PXDN: variants seen among roughly 807,000 people sequenced by gnomAD.
PXDN encodes peroxidasin.
A neutral mutation model predicts 140.3 loss-of-function variants in PXDN; 77 were observed. The ratio of observed to expected loss-of-function variants is 0.55; its 90% CI spans 0.46 to 0.66. The LOEUF is 0.66. Among genes scored for constraint, PXDN ranks in the 30% least tolerant of loss-of-function variants. PXDN has a pLI of 0.00. For missense variants in PXDN, 1,838 were observed against 2,039.5 expected, an observed-to-expected ratio of 0.90 and a Z score of 1.90; for synonymous variants, 911 against 857.4, an observed-to-expected ratio of 1.06 and a Z score of -1.09.
intron 1 of PXDN, among the ~76,000 whole-genome samples, chr2:1,696,272 C>T (rs1684299515): frequency 6.6e-6 from 1 of 152,202 alleles, no homozygotes; most frequent in Admixed American, 6.5e-5. Context: ...GTTCTCATCA[C>T]ATTTCTGTGG....
chr2:1,716,363 G>A lies in PXDN; in HGVS notation c.201-23229C>T, dbSNP rs376947947. Among the ~76,000 whole-genome samples the A allele has an allele frequency of 7.3e-4, 109 of 149,140 alleles. 3 individuals are homozygous for A. The South Asian group carries it at 0.022, about 30-fold the overall frequency. On this transcript the variant is annotated intron_variant, in intron 1 of 22. Transcript: ENST00000252804. ...TGAGGCAGAAGAATCACTTGAACCC[G>A]GGAGGTGGAGGTTGCGGTGAGCCGA...
chr2:1,732,033 C>T (rs1685324226), intron 1 of PXDN, among the ~76,000 whole-genome samples: 1 of 152,092 alleles, frequency 6.6e-6, no homozygotes, highest in Non-Finnish European at 1.5e-5. Flanking sequence ...TGCTTTAGAA[C>T]AAGATGGGAT....
In PXDN at chr2:1,648,533, G is replaced by C; in HGVS notation, c.3247C>G (p.Arg1083Gly). Residue 1083 changes from arginine to glycine, a missense_variant, in exon 17 of 23, where the codon CGG (arginine) becomes GGG (glycine). By Grantham distance (125) the Arg-to-Gly change is moderately radical (BLOSUM62 -2). Around this residue, in one of 5 missense-constraint regions of PXDN, gnomAD observed 850 missense variants for 894.1 expected, o/e 0.95. Coordinates refer to ENST00000252804, the MANE Select transcript of PXDN (RefSeq NM_012293.3). The surrounding 1 kb of genome is among the most constrained non-coding windows in gnomAD (Gnocchi z 8.9). Reference sequence around the variant, plus strand: ...ATGGGCTGGAAGTTCTCGTCCAGCCGGTAAAGCAGTGGGTTGACAAGCGTG... The same window carrying C: ...ATGGGCTGGAAGTTCTCGTCCAGCCCGTAAAGCAGTGGGTTGACAAGCGTG... ...GHTLVNPLLYRLDENFQPIAQ... is the reference protein window; with the variant it reads ...GHTLVNPLLYGLDENFQPIAQ... 1 of 1,613,488 alleles carries C rather than the reference G, an allele frequency of 6.2e-7. No individual in the cohort carries two copies. The highest frequency in any genetic ancestry group is 8.5e-7 in the Non-Finnish European group (1 of 1,179,880).
chr2:1,725,749 C>T (rs1275856839), intron 1 of PXDN, among the ~76,000 whole-genome samples: 4 of 152,116 alleles, frequency 2.6e-5, no homozygotes, highest in Non-Finnish European at 2.9e-5. Flanking sequence ...CAAACAACCC[C>T]ATCAAAAAGT....
rs1178492680 is a variant in PXDN, at chr2:1,711,391, G to A, written c.201-18257C>T. Among the ~76,000 whole-genome samples the A allele has an allele frequency of 6.1e-5, 5 of 81,328 alleles. 1 individual carries two copies. The East Asian group carries it at 1.9e-3, about 30-fold the overall frequency. 53.4% of individuals were successfully genotyped at this position (81,328 alleles called of 152,430 possible). ...ACCAGCATCCACTCTACCAGCACCC[G>A]CTCCACAAGCACCCACTCTCCACCA... On this transcript the variant is annotated intron_variant, in intron 1 of 22. Coordinates refer to ENST00000252804, the MANE Select transcript of PXDN (RefSeq NM_012293.3).
At chr2:1,664,773 A>G (rs1362792735) in intron 11 of PXDN, 185 bp downstream of exon 11, 4 of 577,538 alleles carry the variant, frequency 6.9e-6, no homozygotes, top group Admixed American at 3.0e-5. Context: ...ACGGCCATGC[A>G]TGGACAGGAA....
intron 7 of PXDN, 68 bp from the exon 8 acceptor site, chr2:1,677,112 C>A: frequency 3.0e-6 from 4 of 1,355,848 alleles, no homozygotes; most frequent in Non-Finnish European, 4.0e-6. Context: ...TGACAACACA[C>A]GCTGAGTTCT....
At chr2:1,679,534 ATGTGTG>A (rs1249173993) in intron 7 of PXDN, among the ~76,000 whole-genome samples, 2 of 111,722 alleles carry the variant, frequency 1.8e-5, no homozygotes, top group African/African-American at 7.1e-5. Flanking sequence ...TTGTGTCTGC[ATGTGTG>A]TGTGTCTATA....
chr2:1,664,772 C>A (rs1683391365), intron 11 of PXDN, 186 bp downstream of exon 11: 1 of 574,978 alleles, frequency 1.7e-6, no homozygotes, highest in Non-Finnish European at 3.1e-6. Flanking sequence ...GACGGCCATG[C>A]ATGGACAGGA....
chr2:1,736,223 T>C (rs1685422223), intron 1 of PXDN, among the ~76,000 whole-genome samples: 1 of 152,224 alleles, frequency 6.6e-6, no homozygotes, highest in Non-Finnish European at 1.5e-5. Context: ...ACCTAGCTTT[T>C]GACTTATCTC....
chr2:1,732,180 G>A (rs1171517385), intron 1 of PXDN, among the ~76,000 whole-genome samples: 1 of 152,172 alleles, frequency 6.6e-6, no homozygotes, highest in Non-Finnish European at 1.5e-5. Context: ...AACAGATGTA[G>A]CCAGCAGAAA....
At chr2:1,657,482 C>A (rs1014232062) in intron 14 of PXDN, among the ~76,000 whole-genome samples, 1 of 151,842 alleles carries the variant, frequency 6.6e-6, no homozygotes, top group Non-Finnish European at 1.5e-5. Context: ...CCTGCTGCCT[C>A]CCGACTGAAG....
chr2:1,698,258 G>C (rs1313812015), intron 1 of PXDN, among the ~76,000 whole-genome samples: 1 of 152,188 alleles, frequency 6.6e-6, no homozygotes, highest in Non-Finnish European at 1.5e-5. Flanking sequence ...CAATTCCAGT[G>C]GGTCTTATCA....
At chr2:1,691,895 G>A in intron 3 of PXDN, 33 bp downstream of exon 3, 1 of 1,341,242 alleles carries the variant, frequency 7.5e-7, no homozygotes, top group Non-Finnish European at 1.0e-6. Flanking sequence ...GATACCATAA[G>A]CTTTTAGGTT....
intron 4 of PXDN, among the ~76,000 whole-genome samples, chr2:1,684,585 T>G (rs1684005995): frequency 6.6e-6 from 1 of 152,246 alleles, no homozygotes; most frequent in African/African-American, 2.4e-5. Context: ...GGCATCATCA[T>G]ATACTTTGAC....
rs1000004258 is a variant in PXDN, at chr2:1,639,209, C to G, written c.4073+93G>C. ...ACGTCCCTGCCAGGAACCATCCTCGCCACAGGCCCACAGCAGGATGCCGGT... is the reference window on the plus strand; with the variant it reads ...ACGTCCCTGCCAGGAACCATCCTCGGCACAGGCCCACAGCAGGATGCCGGT... On this transcript the variant is annotated intron_variant, in intron 20 of 22. Transcript: ENST00000252804. This position sits in a 1 kb window ranked among gnomAD's most constrained non-coding sequence, Gnocchi z 5.0. The G allele has an allele frequency of 6.5e-7, 1 of 1,534,878 alleles. No homozygotes were observed. The highest frequency in any genetic ancestry group is 1.4e-5 in the African/African-American group (1 of 72,978).
chr2:1,732,573 T>C (rs1160993981), intron 1 of PXDN, among the ~76,000 whole-genome samples: 1 of 152,192 alleles, frequency 6.6e-6, no homozygotes, highest in East Asian at 1.9e-4. Flanking sequence ...CGATGAGCCT[T>C]AGTAAAGCAC....
At chr2:1,675,821 T>C (rs1558503239) in intron 8 of PXDN, among the ~76,000 whole-genome samples, 1 of 104,314 alleles carries the variant, frequency 9.6e-6, no homozygotes, top group Admixed American at 8.1e-5. Flanking sequence ...ATGACTCAGT[T>C]TGAGCCCGAG....
In PXDN at chr2:1,714,059, C is replaced by T. The variant is rs938106599; in HGVS notation, c.201-20925G>A. On this transcript the variant is annotated intron_variant, in intron 1 of 22. Coordinates refer to ENST00000252804, the MANE Select transcript of PXDN (RefSeq NM_012293.3). The surrounding 1 kb of genome is among the most constrained non-coding windows in gnomAD (Gnocchi z 4.3). ...CAACCTACGATAATATTGGCACTGG[C>T]GGCTTTGGAAATGGCCTTCGGATAA... Among the ~76,000 whole-genome samples the T allele has an allele frequency of 6.6e-6, 1 of 152,164 alleles. No individual in the cohort carries two copies. The highest frequency in any genetic ancestry group is 1.9e-4 in the East Asian group (1 of 5,178).
Sources: allele counts gnomAD v4.1 joint callset (sites outside exome capture counted in the v4.1 genomes callset), GRCh38; gene constraint gnomAD v4.1.1; regional missense constraint gnomAD v4.1.1; non-coding constraint Gnocchi (gnomAD v3.1); transcripts MANE v1.5; gene names NCBI Gene and HGNC (gene_info 2026-07-23, HGNC 2026-07-21).